The following MIB1 variants were observed in gnomAD, a reference collection of about 807,000 sequenced individuals.
The protein encoded by MIB1 is E3 ubiquitin-protein ligase MIB1.
In MIB1, 278 loss-of-function variants were observed where a neutral mutation model predicts 124.5. The ratio of observed to expected loss-of-function variants is 2.23; its 90% CI spans 2.02 to 2.47. MIB1 has a LOEUF of 2.47. Ranked by LOEUF, MIB1 falls within the 30% of genes most tolerant of loss-of-function variation. The pLI, the probability that MIB1 is intolerant of heterozygous loss-of-function variation, is 0.00. For synonymous variants in MIB1, 446 were observed against 429.4 expected, an observed-to-expected ratio of 1.04 and a Z score of -0.48; for missense variants, 957 against 1,254.4, an observed-to-expected ratio of 0.76 and a Z score of 3.58.
intron 20 of MIB1, among the ~76,000 whole-genome samples, chr18:21,859,418 G>A (rs1468655099): frequency 6.7e-6 from 1 of 150,142 alleles, no homozygotes; most frequent in African/African-American, 2.4e-5. Context: ...GTCAAGGATA[G>A]TGGTTTTCTT....
At chr18:21,776,078 G>T (rs541964702) in intron 4 of MIB1, among the ~76,000 whole-genome samples, 54 of 152,092 alleles carry the variant, frequency 3.6e-4, no homozygotes, top group African/African-American at 1.2e-3. Context: ...ACCAACCTGG[G>T]CAATGTGGCA....
chr18:21,796,661 T>G (rs754763393), intron 7 of MIB1, among the ~76,000 whole-genome samples: 8 of 152,174 alleles, frequency 5.3e-5, no homozygotes, highest in Admixed American at 2.0e-4. Flanking sequence ...ATAACCAAAC[T>G]TAGTGCCCAG....
intron 2 of MIB1, among the ~76,000 whole-genome samples, chr18:21,767,961 G>T (rs1431041888): frequency 1.3e-5 from 2 of 152,138 alleles, no homozygotes; most frequent in East Asian, 1.9e-4. Context: ...TATCAGTACT[G>T]GGCTTACGTT....
At chr18:21,819,439 A>G (rs964297270) in intron 11 of MIB1, 56 bp from the exon 12 acceptor site, 5 of 1,093,502 alleles carry the variant, frequency 4.6e-6, no homozygotes, top group Non-Finnish European at 6.6e-6. Context: ...TGTAAGTATT[A>G]CTATTAGATG....
upstream of MIB1, among the ~76,000 whole-genome samples, chr18:21,737,640 T>C (rs1196593461): frequency 6.6e-6 from 1 of 152,064 alleles, no homozygotes; most frequent in Non-Finnish European, 1.5e-5. Context: ...ACCCATCTCA[T>C]GTACAAAGAC....
chr18:21,812,867 G>A (rs908755131), intron 10 of MIB1, among the ~76,000 whole-genome samples: 13 of 152,252 alleles, frequency 8.5e-5, no homozygotes, highest in African/African-American at 3.1e-4. Flanking sequence ...TGTGTTTTAG[G>A]TTTATTTGGA....
rs1434825229 is a variant in MIB1 at position 21,816,534 on chromosome 18, TTTAAATAA to T, written c.1677+722_1677+729del. On this transcript the variant is annotated intron_variant, in intron 11 of 20. Coordinates refer to ENST00000261537, the MANE Select transcript of MIB1 (RefSeq NM_020774.4). ...AATAGGCTTGAAACAACATATTATTTTTAAATAAAAGTGTTCCCTGAAATACTATTTGA... is the reference window on the plus strand; with the variant it reads ...AATAGGCTTGAAACAACATATTATTTAAGTGTTCCCTGAAATACTATTTGA... 1.4e-4 allele frequency among the ~76,000 whole-genome samples: 22 copies of T among 152,174 alleles called. 1 individual carries two copies. Among genetic ancestry groups the T allele is most frequent in the African/African-American group, 5.1e-4 (21 of 41,442 alleles).
chr18:21,760,598 T>C (rs964317259), intron 1 of MIB1, among the ~76,000 whole-genome samples: 3 of 152,186 alleles, frequency 2.0e-5, no homozygotes, highest in African/African-American at 4.8e-5. Flanking sequence ...CCATGAATTA[T>C]AGAATTTTTT....
chr18:21,870,805 A>G lies in MIB1; in HGVS notation c.*6139A>G, dbSNP rs953525710. The G allele has an allele frequency of 6.6e-6, 1 of 152,218 alleles. No individual in the cohort carries two copies. Among genetic ancestry groups the G allele is most frequent in the African/African-American group, 2.4e-5 (1 of 41,470 alleles). 9.4% of individuals were successfully genotyped at this position (152,218 alleles called of 1,614,324 possible). ...TTGTTTATTTGAAAAAAGCATATATATTCCAACTTTAAAATTGTGAATTTA... is the reference window on the plus strand; with the variant it reads ...TTGTTTATTTGAAAAAAGCATATATGTTCCAACTTTAAAATTGTGAATTTA... On this transcript the variant is annotated 3_prime_UTR_variant, in exon 21 of 21. Coordinates refer to ENST00000261537, the MANE Select transcript of MIB1 (RefSeq NM_020774.4).
At chr18:21,755,479 G>T (rs1205848366) in intron 1 of MIB1, among the ~76,000 whole-genome samples, 1 of 151,940 alleles carries the variant, frequency 6.6e-6, no homozygotes, top group Non-Finnish European at 1.5e-5. Context: ...TTACAGGCGC[G>T]TACCACCACG....
In MIB1 at chr18:21,765,854, A is replaced by C; in HGVS notation, c.312A>C (p.Thr104=). 1 of 1,614,178 alleles carries C rather than the reference A, an allele frequency of 6.2e-7. No individual in the cohort carries two copies. ...IGIRWKCAEC[T]NYDLCTVCYH... Reference sequence around the variant, plus strand: ...TTCGATGGAAGTGTGCAGAGTGTACAAATTATGATTTGTGCACAGTGTGTT... The same window carrying C: ...TTCGATGGAAGTGTGCAGAGTGTACCAATTATGATTTGTGCACAGTGTGTT... Residue 104 remains threonine, a synonymous_variant, in exon 2 of 21, where the codon ACA becomes ACC. Coordinates refer to ENST00000261537, the MANE Select transcript of MIB1 (RefSeq NM_020774.4).
intron 20 of MIB1, among the ~76,000 whole-genome samples, chr18:21,863,517 C>CCGGCCATCTCTTCCCTGAAGTT (rs372939846): frequency 0.018 from 2,679 of 152,112 alleles, 76 homozygotes; most frequent in African/African-American, 0.059. Flanking sequence ...CCCCTGAAGT[C>CCGGCCATCTCTTCCCTGAAGTT]CGGCCATCTC....
chr18:21,846,959 G>C lies in MIB1; in HGVS notation c.2227G>C (p.Gly743Arg). 1 of 1,613,620 alleles carries C rather than the reference G, an allele frequency of 6.2e-7. No individual in the cohort carries two copies. The highest frequency in any genetic ancestry group is 1.1e-5 in the South Asian group (1 of 91,036). ...TTTATTGCAGTTAATAATGGGACTT[G>C]GTACCCAGGGGGCAGAGAAGAAGAG... Reference protein sequence around the residue: ...PSKNTLIMGLGTQGAEKKSAA... With the variant: ...PSKNTLIMGLRTQGAEKKSAA... Residue 743 changes from glycine (G) to arginine (R), a missense_variant, in exon 16 of 21, where the codon GGT (glycine) becomes CGT (arginine). Physicochemically the swap from Gly to Arg is moderately radical, Grantham distance 125. Transcript: ENST00000261537.
intron 1 of MIB1, among the ~76,000 whole-genome samples, chr18:21,728,747 C>G (rs1263667939): frequency 6.6e-6 from 1 of 152,122 alleles, no homozygotes; most frequent in African/African-American, 2.4e-5. Context: ...GTGTAATTAT[C>G]AAATCAGGGT....
rs539614371 is a variant in MIB1, at chr18:21,741,998, A to C, written c.229+186A>C. 1.7e-4 allele frequency among the ~76,000 whole-genome samples: 26 copies of C among 152,322 alleles called. 1 individual carries two copies. In the South Asian group the frequency reaches 5.2e-3, roughly 30 times the overall value. On this transcript the variant is annotated intron_variant, in intron 1 of 20. Coordinates refer to ENST00000261537, the MANE Select transcript of MIB1 (RefSeq NM_020774.4). The surrounding 1 kb of genome is among the most constrained non-coding windows in gnomAD (Gnocchi z 5.4). ...CGAACGGGTGAACAAACACTTTCAG[A>C]AAAGACCCTCTACCCCCAAGGGAAA...
chr18:21,832,378 A>G (rs945951074), intron 12 of MIB1, among the ~76,000 whole-genome samples: 1 of 152,208 alleles, frequency 6.6e-6, no homozygotes, highest in Non-Finnish European at 1.5e-5. Flanking sequence ...TAACCTGTCT[A>G]TAACTCTATT....
intron 10 of MIB1, among the ~76,000 whole-genome samples, chr18:21,806,383 A>G (rs1367989077): frequency 6.6e-6 from 1 of 151,742 alleles, no homozygotes; most frequent in Admixed American, 6.6e-5. Flanking sequence ...AAAAATTTTT[A>G]TAAAGAGATG....
chr18:21,859,407 A>C (rs1451691003), intron 20 of MIB1, among the ~76,000 whole-genome samples: 1 of 150,890 alleles, frequency 6.6e-6, no homozygotes, highest in East Asian at 2.0e-4. Context: ...AAAAAAAAAA[A>C]GTCAAGGATA....
At chr18:21,786,664 A>G (rs2041439356) in intron 6 of MIB1, among the ~76,000 whole-genome samples, 2 of 151,528 alleles carry the variant, frequency 1.3e-5, no homozygotes, top group Non-Finnish European at 2.9e-5. Context: ...TGTATTTTCA[A>G]ATAGCTTATA....
Sources: gnomAD v4.1 joint callset for allele counts (sites outside exome capture counted in the v4.1 genomes callset) on GRCh38, gnomAD v4.1.1 for gene constraint, Gnocchi (gnomAD v3.1) non-coding constraint, MANE v1.5 for transcripts, NCBI Gene and HGNC (gene_info 2026-07-23, HGNC 2026-07-21) for gene names.